The following PYHIN1 variants were observed in gnomAD, a reference collection of about 807,000 sequenced individuals.
The protein encoded by PYHIN1 is pyrin and HIN domain family member 1, also known as pyrin and HIN domain-containing protein 1.
In PYHIN1, 32 loss-of-function variants were observed where a neutral mutation model predicts 43.7. That is an observed-to-expected ratio of 0.73 (90% CI 0.55 to 0.98). PYHIN1 has a LOEUF of 0.98. Among genes scored for constraint, PYHIN1 ranks in the 50% least tolerant of loss-of-function variants. The probability of loss-of-function intolerance (pLI) is 0.00; values close to 1 mark genes in which losing one functional copy is unlikely to be tolerated. For synonymous variants in PYHIN1, 205 were observed against 203.1 expected (o/e 1.01, Z -0.08); for missense variants, 588 against 589.5 (o/e 1.00, Z 0.03).
In PYHIN1 at chr1:158,975,695, C is replaced by A. The variant is rs564420712; in HGVS notation, c.*6-1006C>A. On this transcript the variant is annotated intron_variant, in intron 8 of 8. Transcript: ENST00000368140. The stretch of plus-strand genomic sequence containing the variant: ...GGGAAAAAACGTGTTCTGCTCTAGA[C>A]AAGTTAAGTTTGAGATTCCCACAGG... Among the ~76,000 whole-genome samples the A allele has an allele frequency of 2.6e-5, 4 of 152,230 alleles. No individual in the cohort carries two copies. In the East Asian group the frequency reaches 7.7e-4, roughly 29 times the overall value.
intron 7 of PYHIN1, among the ~76,000 whole-genome samples, chr1:158,946,447 T>C (rs1169544764): frequency 2.0e-5 from 3 of 152,192 alleles, no homozygotes; most frequent in Non-Finnish European, 2.9e-5. Flanking sequence ...CTAAATATGA[T>C]TAACAGCCCT....
At chr1:158,984,912 T>C in the PYHIN1 span, among the ~76,000 whole-genome samples, 1 of 152,146 alleles carries the variant, frequency 6.6e-6, no homozygotes, top group Non-Finnish European at 1.5e-5. Flanking sequence ...GATGCCCTTC[T>C]TCATCCTCTT....
In PYHIN1 at chr1:158,941,972, C is replaced by A. The variant is rs146109767; in HGVS notation, c.580-5C>A. 18 of 1,583,248 alleles carry A rather than the reference C, an allele frequency of 1.1e-5. No individual in the cohort carries two copies. The highest frequency in any genetic ancestry group is 1.4e-5 in the Non-Finnish European group (16 of 1,167,310). Reference sequence around the variant, plus strand: ...TTTTTTGTATTCCTTTTGTATCATGCGCAGAGCCTAAAACCATTGGCCAAC... The same window carrying A: ...TTTTTTGTATTCCTTTTGTATCATGAGCAGAGCCTAAAACCATTGGCCAAC... On this transcript the variant is annotated splice_region_variant and splice_polypyrimidine_tract_variant and intron_variant, in intron 4 of 8. Transcript: ENST00000368140.
chr1:158,951,101 A>C (rs777880560), intron 7 of PYHIN1, among the ~76,000 whole-genome samples: 5 of 152,248 alleles, frequency 3.3e-5, no homozygotes, highest in Admixed American at 2.6e-4. Flanking sequence ...TTGAAGGAGG[A>C]GATGTGCCTG....
chr1:158,933,457 T>C lies in PYHIN1; in HGVS notation c.-21+1681T>C, dbSNP rs1011865950. 1.3e-5 allele frequency among the ~76,000 whole-genome samples: 2 copies of C among 151,904 alleles called. No homozygotes were observed. Among genetic ancestry groups the C allele is most frequent in the African/African-American group, 4.8e-5 (2 of 41,416 alleles). On this transcript the variant is annotated intron_variant, in intron 1 of 8. Coordinates refer to ENST00000368140, the MANE Select transcript of PYHIN1 (RefSeq NM_152501.5). This position sits in a 1 kb window ranked among gnomAD's most constrained non-coding sequence, Gnocchi z 6.3. Reference sequence around the variant, plus strand: ...TTGTCTTAAGATCTTTTAAAAATGATTCTAGCATAGATAAGCTGGCTTTCT... The same window carrying C: ...TTGTCTTAAGATCTTTTAAAAATGACTCTAGCATAGATAAGCTGGCTTTCT...
chr1:158,948,337 T>G (rs555945617), intron 7 of PYHIN1, among the ~76,000 whole-genome samples: 1 of 152,194 alleles, frequency 6.6e-6, no homozygotes, highest in Non-Finnish European at 1.5e-5. Context: ...TCTAAAATTT[T>G]AGTTTTAAGT....
chr1:158,962,770 A>G lies in PYHIN1; in HGVS notation c.1360-10877A>G, dbSNP rs1650396400. Among the ~76,000 whole-genome samples, 3 of 152,096 alleles carry G rather than the reference A, an allele frequency of 2.0e-5. No individual in the cohort carries two copies. The South Asian group carries it at 6.2e-4, about 32-fold the overall frequency. On this transcript the variant is annotated intron_variant, in intron 7 of 8. Transcript: ENST00000368140. ...CTCCCAGCCCTACTCTTCATCAGAC[A>G]GGGCTCCTGGCTTTGAACTGCAAAA... is the stretch of plus-strand genomic sequence containing the variant.
At chr1:158,953,351 G>C (rs529882111) in intron 7 of PYHIN1, among the ~76,000 whole-genome samples, 1 of 150,700 alleles carries the variant, frequency 6.6e-6, no homozygotes, top group South Asian at 2.1e-4. Context: ...AAATGTCCCT[G>C]TCTGACAGCT....
At chr1:158,946,547 T>TCAGATAGATAGA (rs145557906) in intron 7 of PYHIN1, among the ~76,000 whole-genome samples, 2 of 148,424 alleles carry the variant, frequency 1.3e-5, no homozygotes, top group African/African-American at 5.0e-5. Flanking sequence ...AGCACAGTGA[T>TCAGATAGATAGA]TAGATAGATA....
downstream of PYHIN1, among the ~76,000 whole-genome samples, chr1:158,981,870 T>C (rs189341767): frequency 6.6e-6 from 1 of 152,328 alleles, no homozygotes; most frequent in Non-Finnish European, 1.5e-5. Context: ...CCCTGTAGTT[T>C]TGATTTGCAT....
intron 1 of PYHIN1, among the ~76,000 whole-genome samples, chr1:158,935,762 G>A (rs1039587661): frequency 6.6e-6 from 1 of 152,108 alleles, no homozygotes; most frequent in African/African-American, 2.4e-5. Context: ...CATAGTGGTG[G>A]GTGTGGGAAG....
intron 7 of PYHIN1, among the ~76,000 whole-genome samples, chr1:158,952,843 C>T (rs75959351): frequency 8.5e-5 from 13 of 152,266 alleles, no homozygotes; most frequent in Admixed American, 3.3e-4. Flanking sequence ...TCTGAGGTAC[C>T]GAGTTCATCT....
Position 158,973,644 on chromosome 1 carries a change from C to T in PYHIN1, c.1360-3C>T, listed in dbSNP as rs551263992. 3.1e-6 allele frequency: 5 copies of T among 1,612,786 alleles called. No homozygotes were observed. The African/African-American group carries it at 4.0e-5, about 13-fold the overall frequency. The stretch of plus-strand genomic sequence containing the variant: ...ACTAAATTACCCAAATTTATGACTC[C>T]AGAAGGATGAAACCCACCCAGGAGC... On this transcript the variant is annotated splice_polypyrimidine_tract_variant and splice_region_variant and intron_variant, in intron 7 of 8. Transcript: ENST00000368140.
At position 158,941,964 on chromosome 1, in the gene PYHIN1, G is replaced by A. The variant is rs535526865; in HGVS notation, c.580-13G>A. 1.9e-6 allele frequency: 3 copies of A among 1,564,092 alleles called. No homozygotes were observed. Among genetic ancestry groups the A allele is most frequent in the Admixed American group, 2.0e-5 (1 of 50,404 alleles). ...AAAATTTCTTTTTTGTATTCCTTTT[G>A]TATCATGCGCAGAGCCTAAAACCAT... On this transcript the variant is annotated splice_polypyrimidine_tract_variant and intron_variant, in intron 4 of 8. Transcript: ENST00000368140.
Position 158,973,724 on chromosome 1 carries a change from T to A in PYHIN1, c.1437T>A (p.Leu479=). The change falls in exon 8 of 9, where the codon CTT becomes CTA. Residue 479 remains leucine (L), a synonymous_variant. Coordinates refer to ENST00000368140, the MANE Select transcript of PYHIN1 (RefSeq NM_152501.5). The part of the protein sequence containing the change: ...RITSPTVAPP[L]SSDTSTNRHP... ...CCTCACCAACTGTGGCCCCTCCTCT[T>A]TCTTCTGACACTTCCACCAACCGCC... 6.2e-7 allele frequency: 1 copy of A among 1,613,244 alleles called. No individual in the cohort carries two copies.
At chr1:158,976,155 G>T (rs1323873242) in intron 8 of PYHIN1, among the ~76,000 whole-genome samples, 5 of 152,072 alleles carry the variant, frequency 3.3e-5, no homozygotes, top group African/African-American at 1.2e-4. Flanking sequence ...CAAAGTTTAT[G>T]CTGTTTGTCA....
At chr1:158,968,843 G>A (rs115852675) in intron 7 of PYHIN1, among the ~76,000 whole-genome samples, 2,845 of 148,748 alleles carry the variant, frequency 0.019, 42 homozygotes, top group Non-Finnish European at 0.027. Flanking sequence ...GCTAAACAAT[G>A]AGAGAACACA....
At chr1:158,975,884 G>A (rs11578363) in intron 8 of PYHIN1, among the ~76,000 whole-genome samples, 22,034 of 152,164 alleles carry the variant, frequency 0.14, 1,870 homozygotes, top group African/African-American at 0.21. Context: ...TACTGAGTAT[G>A]CAGAATGACT....
chr1:158,942,416 A>AT lies in PYHIN1; in HGVS notation c.1002+21dup, dbSNP rs753603110. 2 of 1,532,940 alleles carry AT rather than the reference A, an allele frequency of 1.3e-6. No individual in the cohort carries two copies. The highest frequency in any genetic ancestry group is 1.8e-6 in the Non-Finnish European group (2 of 1,142,226). The allele number at this position is 1,532,940 out of a possible 1,614,324, so 95.0% of individuals were successfully genotyped here. A position where few individuals can be genotyped will look rare whatever the true frequency, so the allele number is the denominator to read the frequency against. On this transcript the variant is annotated intron_variant, in intron 5 of 8. Transcript: ENST00000368140. ...CTACATACGGTAAGGCATCAAAGCT[A>AT]TTTTGTGGCATTTTCTACAATAACA... is the stretch of plus-strand genomic sequence containing the variant.
Sources: gnomAD v4.1 joint callset for allele counts (sites outside exome capture counted in the v4.1 genomes callset) on GRCh38, gnomAD v4.1.1 for gene constraint, Gnocchi (gnomAD v3.1) non-coding constraint, MANE v1.5 for transcripts, NCBI Gene and HGNC (gene_info 2026-07-23, HGNC 2026-07-21) for gene names.